ZNF469: variants seen among roughly 807,000 people sequenced by gnomAD.
ZNF469 encodes the protein zinc finger protein 469.
ZNF469 carries 1 observed loss-of-function variant against 1.0 expected under a neutral mutation model. The ratio of observed to expected loss-of-function variants is 1.00; its 90% confidence interval spans 0.35 to 4.73. The LOEUF is 4.73. ZNF469 is among the 30% of genes most tolerant of loss of function. ZNF469 has a pLI of 0.16. For missense variants in ZNF469, 6,100 were observed against 5,356.3 expected (o/e 1.14, Z -4.33); for synonymous variants, 2,703 against 2,363.4 (o/e 1.14, Z -4.17).
At chr16:88,165,542 T>C in the ZNF469 span, among the ~76,000 whole-genome samples, 27,178 of 152,152 alleles carry the variant, frequency 0.18, 2,876 homozygotes, top group East Asian at 0.49. Context: ...AAGCAGCTGG[T>C]GAGAATCTCT....
chr16:88,399,413 G>A (rs944662665), intron 1 of ZNF469, among the ~76,000 whole-genome samples: 1 of 152,314 alleles, frequency 6.6e-6, no homozygotes. Context: ...ACAGCTACAA[G>A]ATGACAGTGT....
In ZNF469 at chr16:88,424,311, G is replaced by A. The variant is rs1347160535; in HGVS notation, c.-191-496G>A. 1.3e-5 allele frequency among the ~76,000 whole-genome samples: 2 copies of A among 152,194 alleles called. No individual in the cohort carries two copies. The highest frequency in any genetic ancestry group is 1.9e-4 in the East Asian group (1 of 5,196). On this transcript the variant is annotated intron_variant, in intron 1 of 2. Transcript: ENST00000565624. The surrounding 1 kb of genome is among the most constrained non-coding windows in gnomAD (Gnocchi z 4.3). ...GTGCAGAACAGTGAGCGTAGCCGACGATCTTCTGTTGAAGGAAGGAGGAAA... is the reference window on the plus strand; with the variant it reads ...GTGCAGAACAGTGAGCGTAGCCGACAATCTTCTGTTGAAGGAAGGAGGAAA...
chr16:88,406,033 C>T (rs1012048701), intron 1 of ZNF469, among the ~76,000 whole-genome samples: 1 of 152,250 alleles, frequency 6.6e-6, no homozygotes, highest in African/African-American at 2.4e-5. Context: ...GATGGGAAAG[C>T]TGGAAGGTGG....
At chr16:88,366,767 C>T in the ZNF469 span, among the ~76,000 whole-genome samples, 9 of 151,900 alleles carry the variant, frequency 5.9e-5, no homozygotes, top group East Asian at 9.7e-4. Context: ...CCATCATCAC[C>T]GCCATCGCCA....
chr16:88,163,986 T>A, the ZNF469 span, among the ~76,000 whole-genome samples: 2 of 148,978 alleles, frequency 1.3e-5, no homozygotes, highest in Non-Finnish European at 3.0e-5. Context: ...AATGATTGGG[T>A]AGATGGGTGG....
the ZNF469 span, among the ~76,000 whole-genome samples, chr16:88,136,272 C>T: frequency 1.3e-5 from 2 of 152,246 alleles, no homozygotes; most frequent in Admixed American, 6.5e-5. Flanking sequence ...TGCCCTCCTC[C>T]TCCTCATCCC....
Position 88,436,133 on chromosome 16 carries a change from C to T in ZNF469, c.8663C>T (p.Pro2888Leu), listed in dbSNP as rs771869636. 6.5e-6 allele frequency: 10 copies of T among 1,548,226 alleles called. No homozygotes were observed. Among genetic ancestry groups the T allele is most frequent in the African/African-American group, 1.4e-5 (1 of 73,180 alleles). Residue 2888 changes from proline (P) to leucine (L), a missense_variant, in exon 3 of 3, where the codon CCG becomes CTG. Pro to Leu is a moderately conservative substitution (Grantham distance 98, BLOSUM62 -3). Transcript: ENST00000565624. ...AAGCGCTGTGAGAAGCCGGTGCTCC[C>T]GCTGCCAACCCAGCCCAGCTTTGAG... ...YGKRCEKPVL[P>L]LPTQPSFEEG...
chr16:88,182,934 C>T, the ZNF469 span, among the ~76,000 whole-genome samples: 1 of 152,168 alleles, frequency 6.6e-6, no homozygotes, highest in African/African-American at 2.4e-5. Context: ...TAAAGACATA[C>T]TTAAGAAAAT....
chr16:88,388,606 T>C (rs1418408148), intron 1 of ZNF469, among the ~76,000 whole-genome samples: 1 of 152,238 alleles, frequency 6.6e-6, no homozygotes, highest in Non-Finnish European at 1.5e-5. Flanking sequence ...GGGGCAGGAA[T>C]GTGACTTGCT....
intron 1 of ZNF469, among the ~76,000 whole-genome samples, chr16:88,401,538 G>GATGGATGGTTGGATGA (rs1567501602): frequency 1.2e-5 from 1 of 82,284 alleles, no homozygotes; most frequent in Non-Finnish European, 2.9e-5. Context: ...TGGATGCATG[G>GATGGATGGTTGGATGA]GTGGATGGAT....
At chr16:88,289,319 CGAT>C in the ZNF469 span, among the ~76,000 whole-genome samples, 13 of 123,598 alleles carry the variant, frequency 1.1e-4, no homozygotes, top group East Asian at 2.5e-4. Context: ...ATGGTGATGG[CGAT>C]GATGATGATG....
chr16:88,390,811 G>A (rs1904473245), intron 1 of ZNF469, among the ~76,000 whole-genome samples: 2 of 152,028 alleles, frequency 1.3e-5, no homozygotes, highest in Non-Finnish European at 1.5e-5. Flanking sequence ...ATGCCAGATG[G>A]GAGAGGGAAT....
the ZNF469 span, among the ~76,000 whole-genome samples, chr16:88,197,788 C>T: frequency 5.9e-5 from 9 of 152,194 alleles, no homozygotes; most frequent in Non-Finnish European, 8.8e-5. Context: ...GTGCTGGCTG[C>T]TGGTGGGAGG....
chr16:88,254,574 A>G, the ZNF469 span, among the ~76,000 whole-genome samples: 1 of 152,108 alleles, frequency 6.6e-6, no homozygotes, highest in Non-Finnish European at 1.5e-5. Flanking sequence ...CCTGGCCAAT[A>G]TGATGAAACC....
chr16:88,336,217 C>T, the ZNF469 span, among the ~76,000 whole-genome samples: 4 of 150,406 alleles, frequency 2.7e-5, no homozygotes, highest in Non-Finnish European at 4.4e-5. Context: ...GCCAATACCA[C>T]GCACGTTCAT....
chr16:88,113,056 G>T, the ZNF469 span, among the ~76,000 whole-genome samples: 1 of 152,110 alleles, frequency 6.6e-6, no homozygotes, highest in African/African-American at 2.4e-5. Context: ...GGGATTACAG[G>T]TGTGAGCCAC....
the ZNF469 span, among the ~76,000 whole-genome samples, chr16:88,340,693 G>T: frequency 6.6e-6 from 1 of 152,130 alleles, no homozygotes; most frequent in Non-Finnish European, 1.5e-5. Flanking sequence ...AGGCAGGTGC[G>T]TGGGGAGGAG....
chr16:88,280,459 C>T, the ZNF469 span, among the ~76,000 whole-genome samples: 34 of 151,894 alleles, frequency 2.2e-4, 1 homozygote, highest in African/African-American at 7.8e-4. Flanking sequence ...TGGTCAGTAC[C>T]GTGTTGATTT....
the ZNF469 span, among the ~76,000 whole-genome samples, chr16:88,126,799 A>G: frequency 1.3e-5 from 2 of 151,478 alleles, no homozygotes; most frequent in East Asian, 3.9e-4. Context: ...GATTATAGGC[A>G]TGCACCACCA....
Sources: gnomAD v4.1 joint callset for allele counts (sites outside exome capture counted in the v4.1 genomes callset) on GRCh38, gnomAD v4.1.1 for gene constraint, Gnocchi (gnomAD v3.1) non-coding constraint, MANE v1.5 for transcripts, NCBI Gene and HGNC (gene_info 2026-07-23, HGNC 2026-07-21) for gene names.